The following LRFN2 variants were observed in gnomAD, a reference collection of about 807,000 sequenced individuals.
LRFN2 encodes leucine-rich repeat and fibronectin type-III domain-containing protein 2.
A neutral mutation model predicts 37.3 loss-of-function variants in LRFN2; 18 were observed. The observed-to-expected ratio is 0.48, with a 90% CI of 0.33 to 0.72. The LOEUF is 0.72. Ranked by LOEUF, LRFN2 falls within the 30% of genes least tolerant of loss-of-function variation. LRFN2 has a pLI of 0.02. For missense variants in LRFN2, 1,006 were observed against 1,060.7 expected, an observed-to-expected ratio of 0.95 and a Z score of 0.72; for synonymous variants, 556 against 466.6, an observed-to-expected ratio of 1.19 and a Z score of -2.47.
chr6:40,450,121 G>A (rs532315226), intron 1 of LRFN2, among the ~76,000 whole-genome samples: 2 of 152,292 alleles, frequency 1.3e-5, no homozygotes, highest in African/African-American at 2.4e-5. Flanking sequence ...ACAGGACTAC[G>A]AAGTCATCTT....
At chr6:40,453,319 A>G (rs1252232505) in intron 1 of LRFN2, among the ~76,000 whole-genome samples, 1 of 152,134 alleles carries the variant, frequency 6.6e-6, no homozygotes, top group Admixed American at 6.5e-5. Flanking sequence ...TGATATTCTC[A>G]TTGTGCATTG....
intron 1 of LRFN2, among the ~76,000 whole-genome samples, chr6:40,444,898 CATG>C (rs1215851791): frequency 4.7e-5 from 6 of 128,950 alleles, no homozygotes; most frequent in Non-Finnish European, 8.8e-5. Context: ...CTGTCTTCTT[CATG>C]ATTTTTTTTT....
intron 1 of LRFN2, among the ~76,000 whole-genome samples, chr6:40,469,999 C>G (rs1281055283): frequency 6.6e-6 from 1 of 152,238 alleles, no homozygotes; most frequent in Non-Finnish European, 1.5e-5. Context: ...AGACTTGTAA[C>G]CCGGAGCCAG....
chr6:40,466,060 G>T (rs947519858), intron 1 of LRFN2, among the ~76,000 whole-genome samples: 2 of 152,190 alleles, frequency 1.3e-5, no homozygotes, highest in Admixed American at 1.3e-4. Context: ...GGGAAGACTT[G>T]AGGCTCTCAG....
intron 1 of LRFN2, among the ~76,000 whole-genome samples, chr6:40,493,192 G>A (rs1038335516): frequency 6.6e-6 from 1 of 152,076 alleles, no homozygotes; most frequent in African/African-American, 2.4e-5. Context: ...TATCAGGGAT[G>A]GGAAGTGTGT....
At chr6:40,536,153 G>A (rs1289109833) in intron 1 of LRFN2, among the ~76,000 whole-genome samples, 1 of 152,048 alleles carries the variant, frequency 6.6e-6, no homozygotes, top group Non-Finnish European at 1.5e-5. Flanking sequence ...TGAGGGGTGA[G>A]GCCTGGGCAA....
At chr6:40,501,037 A>G (rs1395187943) in intron 1 of LRFN2, among the ~76,000 whole-genome samples, 1 of 151,812 alleles carries the variant, frequency 6.6e-6, no homozygotes, top group South Asian at 2.1e-4. Flanking sequence ...ATTAAAAATG[A>G]CATTTTAAAA....
intron 1 of LRFN2, among the ~76,000 whole-genome samples, chr6:40,533,265 A>G (rs568639485): frequency 1.3e-5 from 2 of 152,090 alleles, no homozygotes; most frequent in East Asian, 3.9e-4. Flanking sequence ...TACAGAACCA[A>G]AATACATTTT....
chr6:40,439,329 G>A (rs1763775706), intron 1 of LRFN2, among the ~76,000 whole-genome samples: 1 of 152,288 alleles, frequency 6.6e-6, no homozygotes, highest in Non-Finnish European at 1.5e-5. Flanking sequence ...AAGAGTGGGA[G>A]GGGTTGGGAT....
chr6:40,412,470 C>T (rs150698446), intron 2 of LRFN2, among the ~76,000 whole-genome samples: 44 of 152,254 alleles, frequency 2.9e-4, no homozygotes, highest in Middle Eastern at 3.4e-3. Flanking sequence ...ACAAGTACAT[C>T]GTCTGGAGGG....
intron 1 of LRFN2, among the ~76,000 whole-genome samples, chr6:40,494,281 C>T (rs1193907951): frequency 6.6e-6 from 1 of 152,160 alleles, no homozygotes; most frequent in Non-Finnish European, 1.5e-5. Context: ...CAGCACTTCT[C>T]TCCTCACTGT....
intron 1 of LRFN2, among the ~76,000 whole-genome samples, chr6:40,538,357 C>A: frequency 6.6e-6 from 1 of 152,172 alleles, no homozygotes; most frequent in East Asian, 1.9e-4. Flanking sequence ...CCCTGCCACC[C>A]ACTACCTTCC....
chr6:40,470,780 A>G (rs978048650), intron 1 of LRFN2, among the ~76,000 whole-genome samples: 6 of 152,118 alleles, frequency 3.9e-5, no homozygotes, highest in Non-Finnish European at 7.4e-5. Flanking sequence ...TGCTGTCCTC[A>G]CTATTCACAT....
chr6:40,431,995 C>T lies in LRFN2; in HGVS notation c.1119G>A (p.Glu373=), dbSNP rs1763502600. ...GGTGTGGCAGCTGGACGATGGAGAC[C>T]TCCACCATGGCCGTGGCCTCTCCGG... The part of the protein sequence containing the change: ...NAAGEATAMV[E]VSIVQLPHLS... The change falls in exon 2 of 3, where the codon GAG becomes GAA. Residue 373 remains glutamate, a synonymous_variant. Transcript: ENST00000338305. 2.5e-6 allele frequency: 4 copies of T among 1,613,720 alleles called. No homozygotes were observed. Among genetic ancestry groups the T allele is most frequent in the Non-Finnish European group, 3.4e-6 (4 of 1,180,036 alleles).
chr6:40,460,048 G>A (rs1346853851), intron 1 of LRFN2, among the ~76,000 whole-genome samples: 1 of 152,132 alleles, frequency 6.6e-6, no homozygotes, highest in Non-Finnish European at 1.5e-5. Flanking sequence ...CCATGAAGCT[G>A]GGCTCAAGGA....
At chr6:40,545,177 A>C (rs1306196498) in intron 1 of LRFN2, among the ~76,000 whole-genome samples, 1 of 152,244 alleles carries the variant, frequency 6.6e-6, no homozygotes. Context: ...ATGCTTCATT[A>C]ATGGTATTAT....
At chr6:40,569,432 G>T (rs938712227) in intron 1 of LRFN2, among the ~76,000 whole-genome samples, 1 of 152,158 alleles carries the variant, frequency 6.6e-6, no homozygotes, top group African/African-American at 2.4e-5. Context: ...GTGGACTAGA[G>T]AATCTTCACT....
At chr6:40,574,412 A>G (rs1264839222) in intron 1 of LRFN2, among the ~76,000 whole-genome samples, 3 of 152,176 alleles carry the variant, frequency 2.0e-5, no homozygotes, top group South Asian at 2.1e-4. Context: ...TCACTGTGCT[A>G]GAATTCCTCT....
chr6:40,581,025 T>C (rs1767388349), intron 1 of LRFN2, among the ~76,000 whole-genome samples: 1 of 152,038 alleles, frequency 6.6e-6, no homozygotes, highest in African/African-American at 2.4e-5. Context: ...TGAATGTGTG[T>C]GTATGTGCAC....
Sources: gnomAD v4.1 joint callset for allele counts (sites outside exome capture counted in the v4.1 genomes callset) on GRCh38, gnomAD v4.1.1 for gene constraint, MANE v1.5 for transcripts, NCBI Gene and HGNC (gene_info 2026-07-23, HGNC 2026-07-21) for gene names.